The following NCKAP5 variants were observed in gnomAD, a reference collection of about 807,000 sequenced individuals.
NCKAP5 encodes nck-associated protein 5.
A neutral mutation model predicts 167.0 loss-of-function variants in NCKAP5; 92 were observed. That is an observed-to-expected ratio of 0.55 (90% CI 0.47 to 0.66). The LOEUF (loss-of-function observed/expected upper bound fraction) is 0.66, where lower values mean the gene tolerates loss of function less well. NCKAP5 is among the 30% of genes least tolerant of loss of function. The probability of loss-of-function intolerance (pLI) is 0.00; values close to 1 mark genes in which losing one functional copy is unlikely to be tolerated. For synonymous variants in NCKAP5, 891 were observed against 877.4 expected (o/e 1.02, Z -0.27); for missense variants, 2,378 against 2,315.0 (o/e 1.03, Z -0.56).
chr2:133,188,784 A>G (rs2085069819), intron 5 of NCKAP5, among the ~76,000 whole-genome samples: 1 of 152,194 alleles, frequency 6.6e-6, no homozygotes, highest in African/African-American at 2.4e-5. Flanking sequence ...CATTTAAAGC[A>G]GTGTGTAGAG....
At chr2:133,523,439 G>T (rs891580699) in intron 2 of NCKAP5, among the ~76,000 whole-genome samples, 1 of 152,050 alleles carries the variant, frequency 6.6e-6, no homozygotes, top group African/African-American at 2.4e-5. Context: ...TAATGGTATT[G>T]CCAGAAGAAA....
chr2:132,697,185 C>T (rs1395214037), intron 19 of NCKAP5, among the ~76,000 whole-genome samples: 1 of 151,230 alleles, frequency 6.6e-6, no homozygotes, highest in South Asian at 2.1e-4. Flanking sequence ...CTGCGCCGGC[C>T]GACATCCTTA....
At chr2:133,002,082 G>A (rs1257858421) in intron 6 of NCKAP5, among the ~76,000 whole-genome samples, 1 of 152,098 alleles carries the variant, frequency 6.6e-6, no homozygotes, top group African/African-American at 2.4e-5. Flanking sequence ...ATCTGACGAG[G>A]GGTCCTGGAA....
At chr2:133,461,797 T>C (rs995660926) in intron 3 of NCKAP5, among the ~76,000 whole-genome samples, 17 of 152,234 alleles carry the variant, frequency 1.1e-4, no homozygotes, top group Non-Finnish European at 1.0e-4. Flanking sequence ...ACTACTACCG[T>C]GGAGTAGGTT....
intron 16 of NCKAP5, among the ~76,000 whole-genome samples, chr2:132,743,585 TA>T (rs1378856082): frequency 6.6e-6 from 1 of 151,314 alleles, no homozygotes; most frequent in African/African-American, 2.4e-5. Context: ...GCAGAATCAA[TA>T]AAAACATTCA....
At chr2:132,944,743 G>A (rs1249726922) in intron 8 of NCKAP5, among the ~76,000 whole-genome samples, 1 of 152,174 alleles carries the variant, frequency 6.6e-6, no homozygotes, top group Non-Finnish European at 1.5e-5. Context: ...TCCTGAAAGA[G>A]CGACATTTTG....
At chr2:133,630,355 CT>C in the NCKAP5 span, among the ~76,000 whole-genome samples, 1 of 152,062 alleles carries the variant, frequency 6.6e-6, no homozygotes, top group Admixed American at 6.5e-5. Context: ...GGAATTTCTT[CT>C]TTGAAGTGAA....
the NCKAP5 span, among the ~76,000 whole-genome samples, chr2:133,673,846 G>A: frequency 6.6e-6 from 1 of 152,174 alleles, no homozygotes; most frequent in Non-Finnish European, 1.5e-5. Context: ...TTCTTTGTTT[G>A]CAATGAACAA....
rs144629277 is a variant in NCKAP5, at chr2:133,547,161, T to C, written c.-62+11889A>G. Among the ~76,000 whole-genome samples the C allele has an allele frequency of 1.7e-3, 254 of 152,234 alleles. 1 individual carries two copies. Among genetic ancestry groups the C allele is most frequent in the African/African-American group, 5.7e-3 (238 of 41,542 alleles). ...GGTCACTCCCACCCGAATATTGCGC[T>C]ATTCGGACCGGCTTAAAAAACGGCG... On this transcript the variant is annotated intron_variant, in intron 2 of 19. Coordinates refer to ENST00000409261, the MANE Select transcript of NCKAP5 (RefSeq NM_207363.3).
At chr2:132,766,619 C>G (rs966505986) in intron 16 of NCKAP5, among the ~76,000 whole-genome samples, 1 of 152,200 alleles carries the variant, frequency 6.6e-6, no homozygotes, top group Non-Finnish European at 1.5e-5. Context: ...TACAATGAAG[C>G]AGGTCCCAGA....
At chr2:133,017,186 C>T (rs1163537707) in intron 6 of NCKAP5, among the ~76,000 whole-genome samples, 1 of 152,196 alleles carries the variant, frequency 6.6e-6, no homozygotes, top group East Asian at 1.9e-4. Context: ...TGTCTCATGT[C>T]AAAACCTATT....
intron 6 of NCKAP5, among the ~76,000 whole-genome samples, chr2:133,020,658 G>C (rs919855112): frequency 6.6e-6 from 1 of 152,138 alleles, no homozygotes; most frequent in Non-Finnish European, 1.5e-5. Flanking sequence ...GTCCTTTAAG[G>C]ACTAAAAATC....
chr2:133,098,606 T>TA (rs1331795160), intron 6 of NCKAP5, among the ~76,000 whole-genome samples: 1 of 152,170 alleles, frequency 6.6e-6, no homozygotes, highest in Non-Finnish European at 1.5e-5. Context: ...ACATTAAAAT[T>TA]AAAAAAACAT....
chr2:132,723,495 G>T (rs1305382243), intron 19 of NCKAP5, among the ~76,000 whole-genome samples: 1 of 151,758 alleles, frequency 6.6e-6, no homozygotes, highest in Non-Finnish European at 1.5e-5. Context: ...TTTGGAATCC[G>T]ACTGTTCTCA....
Position 133,500,762 on chromosome 2 carries a change from T to C in NCKAP5, c.69+16696A>G, listed in dbSNP as rs1453369524. Among the ~76,000 whole-genome samples, 14 of 152,218 alleles carry C rather than the reference T, an allele frequency of 9.2e-5. 1 individual carries two copies. ...ATTGAATTTTCTTCAGGATCATCTT[T>C]ATACGTAAGTTTATTGGGATAGTGA... On this transcript the variant is annotated intron_variant, in intron 3 of 19. Coordinates refer to ENST00000409261, the MANE Select transcript of NCKAP5 (RefSeq NM_207363.3).
chr2:133,119,691 C>T (rs574121209), intron 6 of NCKAP5, among the ~76,000 whole-genome samples: 177 of 152,224 alleles, frequency 1.2e-3, no homozygotes, highest in Non-Finnish European at 1.9e-3. Context: ...AAAACCTCCA[C>T]TTTCTATTAC....
intron 4 of NCKAP5, among the ~76,000 whole-genome samples, chr2:133,262,998 G>A (rs1017195132): frequency 6.6e-6 from 1 of 152,092 alleles, no homozygotes; most frequent in Non-Finnish European, 1.5e-5. Context: ...AAAAATTTGA[G>A]GAGTATGCCT....
chr2:133,256,077 T>A (rs115073744), intron 4 of NCKAP5, among the ~76,000 whole-genome samples: 2,220 of 152,308 alleles, frequency 0.015, 33 homozygotes, highest in South Asian at 0.054. Flanking sequence ...ATCTGCTTGA[T>A]GAAATAATTG....
intron 7 of NCKAP5, among the ~76,000 whole-genome samples, chr2:132,993,532 C>A (rs1023724338): frequency 1.3e-5 from 2 of 152,200 alleles, no homozygotes; most frequent in African/African-American, 4.8e-5. Context: ...GCCTGAGATG[C>A]AAGGCCAGAC....
Sources: allele counts gnomAD v4.1 joint callset (sites outside exome capture counted in the v4.1 genomes callset), GRCh38; gene constraint gnomAD v4.1.1; transcripts MANE v1.5; gene names NCBI Gene and HGNC (gene_info 2026-07-23, HGNC 2026-07-21).